ITGA8: variants seen among roughly 807,000 people sequenced by gnomAD.
The protein encoded by ITGA8 is integrin subunit alpha 8.
Under a neutral mutation model 142.3 loss-of-function variants are expected in ITGA8, and 91 were observed. The ratio of observed to expected loss-of-function variants is 0.64; its 90% CI spans 0.54 to 0.76. The LOEUF (loss-of-function observed/expected upper bound fraction) is 0.76, where lower values mean the gene tolerates loss of function less well. ITGA8 is among the 30% of genes least tolerant of loss of function. The pLI is 0.00. For synonymous variants in ITGA8, 505 were observed against 485.2 expected (o/e 1.04, Z -0.54); for missense variants, 1,406 against 1,327.7 (o/e 1.06, Z -0.92).
intron 27 of ITGA8, among the ~76,000 whole-genome samples, chr10:15,545,282 A>G (rs1833647306): frequency 6.6e-6 from 1 of 152,180 alleles, no homozygotes; most frequent in Admixed American, 6.5e-5. Flanking sequence ...TCCTCTAACA[A>G]TAAATTCAAC....
intron 27 of ITGA8, among the ~76,000 whole-genome samples, chr10:15,542,078 A>C (rs969010398): frequency 6.6e-6 from 1 of 152,184 alleles, no homozygotes; most frequent in African/African-American, 2.4e-5. Context: ...AAGGTGGCCA[A>C]TGACACTGTT....
chr10:15,587,843 G>C (rs774091996), intron 22 of ITGA8, among the ~76,000 whole-genome samples: 7 of 152,158 alleles, frequency 4.6e-5, no homozygotes, highest in Non-Finnish European at 8.8e-5. Flanking sequence ...AAAAATGCAT[G>C]GGTTTCAAAA....
intron 24 of ITGA8, among the ~76,000 whole-genome samples, chr10:15,572,967 C>G (rs1006552537): frequency 6.6e-6 from 1 of 152,178 alleles, no homozygotes; most frequent in African/African-American, 2.4e-5. Context: ...TTTTTTAACA[C>G]GTGAATCCTA....
chr10:15,680,377 T>G (rs1306834327), intron 4 of ITGA8, among the ~76,000 whole-genome samples: 7 of 151,874 alleles, frequency 4.6e-5, no homozygotes, highest in Non-Finnish European at 8.8e-5. Context: ...TAAAAACACT[T>G]TTTAACCTCA....
At chr10:15,619,988 C>T (rs1433438964) in intron 13 of ITGA8, among the ~76,000 whole-genome samples, 2 of 152,228 alleles carry the variant, frequency 1.3e-5, no homozygotes, top group Admixed American at 6.5e-5. Context: ...AATTGATTCT[C>T]TGGAAATGGC....
intron 17 of ITGA8, among the ~76,000 whole-genome samples, chr10:15,607,001 C>T (rs1016503844): frequency 6.6e-6 from 1 of 152,088 alleles, no homozygotes; most frequent in Non-Finnish European, 1.5e-5. Flanking sequence ...ATATGTCACC[C>T]TTCAATTGTT....
At chr10:15,641,795 C>G (rs1833876287) in intron 13 of ITGA8, among the ~76,000 whole-genome samples, 1 of 152,114 alleles carries the variant, frequency 6.6e-6, no homozygotes, top group Non-Finnish European at 1.5e-5. Flanking sequence ...AGCACATGGC[C>G]TCAAGTGAAT....
At chr10:15,667,554 C>T (rs1220539116) in intron 8 of ITGA8, among the ~76,000 whole-genome samples, 2 of 152,144 alleles carry the variant, frequency 1.3e-5, no homozygotes, top group African/African-American at 4.8e-5. Flanking sequence ...TTCTTGCCTT[C>T]TGCTAGGTTT....
At chr10:15,653,145 G>A (rs565553675) in intron 11 of ITGA8, among the ~76,000 whole-genome samples, 85 of 152,234 alleles carry the variant, frequency 5.6e-4, no homozygotes, top group African/African-American at 1.8e-3. Context: ...CAGGGAATAC[G>A]CACCTTTTGC....
chr10:15,590,801 A>G (rs1832909184), intron 22 of ITGA8, among the ~76,000 whole-genome samples: 1 of 152,212 alleles, frequency 6.6e-6, no homozygotes, highest in South Asian at 2.1e-4. Context: ...TTCCATCTGT[A>G]TCCCATCACT....
chr10:15,567,348 CT>C (rs1427850792), intron 25 of ITGA8, among the ~76,000 whole-genome samples: 1 of 152,086 alleles, frequency 6.6e-6, no homozygotes, highest in African/African-American at 2.4e-5. Flanking sequence ...ATTGTACTGG[CT>C]TTAGATTAGT....
At chr10:15,570,712 A>AAT (rs1405777629) in intron 25 of ITGA8, among the ~76,000 whole-genome samples, 2 of 152,110 alleles carry the variant, frequency 1.3e-5, no homozygotes, top group Non-Finnish European at 2.9e-5. Context: ...GTCAACATTT[A>AAT]AGACAAGTCA....
chr10:15,661,183 C>T (rs1023239590), intron 8 of ITGA8, among the ~76,000 whole-genome samples: 1 of 152,172 alleles, frequency 6.6e-6, no homozygotes, highest in Non-Finnish European at 1.5e-5. Context: ...CCCTTGCTTA[C>T]ATTACAGCCT....
intron 2 of ITGA8, among the ~76,000 whole-genome samples, chr10:15,715,801 T>TTCTTCACTTGCC (rs1201939330): frequency 2.6e-5 from 4 of 152,234 alleles, no homozygotes; most frequent in African/African-American, 9.6e-5. Flanking sequence ...CTGCTGTGCC[T>TTCTTCACTTGCC]TCTTCACTTG....
At chr10:15,717,191 T>A (rs1006545487) in intron 2 of ITGA8, among the ~76,000 whole-genome samples, 1 of 152,218 alleles carries the variant, frequency 6.6e-6, no homozygotes, top group African/African-American at 2.4e-5. Context: ...TATGAGACTA[T>A]ACAAGAAGAT....
chr10:15,598,442 C>A (rs1475638463), intron 20 of ITGA8, among the ~76,000 whole-genome samples: 1 of 151,990 alleles, frequency 6.6e-6, no homozygotes, highest in African/African-American at 2.4e-5. Flanking sequence ...ATTTTATTAA[C>A]AAAAGCCCAA....
intron 25 of ITGA8, among the ~76,000 whole-genome samples, chr10:15,561,854 T>C (rs1833988535): frequency 6.6e-6 from 1 of 152,194 alleles, no homozygotes; most frequent in Non-Finnish European, 1.5e-5. Flanking sequence ...GAAAGAGGTT[T>C]AATTGACTCA....
At chr10:15,712,584 G>C (rs946551653) in intron 2 of ITGA8, among the ~76,000 whole-genome samples, 1 of 152,062 alleles carries the variant, frequency 6.6e-6, no homozygotes, top group Non-Finnish European at 1.5e-5. Flanking sequence ...CTGGGTGACA[G>C]AACCAGACTC....
At chr10:15,530,690 C>G (rs1833271367) in intron 28 of ITGA8, among the ~76,000 whole-genome samples, 1 of 152,106 alleles carries the variant, frequency 6.6e-6, no homozygotes, top group Non-Finnish European at 1.5e-5. Flanking sequence ...GCCTACTATC[C>G]CTAAGAAAGA....
Sources: allele counts gnomAD v4.1 joint callset (sites outside exome capture counted in the v4.1 genomes callset), GRCh38; gene constraint gnomAD v4.1.1; transcripts MANE v1.5; gene names NCBI Gene and HGNC (gene_info 2026-07-23, HGNC 2026-07-21).